SYTL3: variants seen among roughly 807,000 people sequenced by gnomAD.
SYTL3 encodes synaptotagmin like 3, also known as synaptotagmin-like protein 3.
In SYTL3, 88 loss-of-function variants were observed where a neutral mutation model predicts 82.1. That is an observed-to-expected ratio of 1.07 (90% CI 0.90 to 1.28). The LOEUF (loss-of-function observed/expected upper bound fraction) is 1.28. Ranked by LOEUF, SYTL3 falls within the 50% of genes most tolerant of loss-of-function variation. The probability of loss-of-function intolerance (pLI) is 0.00; values close to 1 mark genes in which losing one functional copy is unlikely to be tolerated. For synonymous variants in SYTL3, 311 were observed against 289.4 expected (o/e 1.07, Z -0.76); for missense variants, 831 against 757.6 (o/e 1.10, Z -1.14).
At chr6:158,679,601 C>T (rs1174062668) in intron 5 of SYTL3, among the ~76,000 whole-genome samples, 1 of 152,056 alleles carries the variant, frequency 6.6e-6, no homozygotes, top group African/African-American at 2.4e-5. Flanking sequence ...CAGATAGGCC[C>T]AAGAGATCCT....
intron 6 of SYTL3, among the ~76,000 whole-genome samples, chr6:158,689,038 G>A (rs60099667): frequency 0.091 from 13,798 of 152,196 alleles, 1,781 homozygotes; most frequent in African/African-American, 0.29. Flanking sequence ...ATCTCACCCC[G>A]TCATAGGAAT....
At chr6:158,682,742 G>A (rs1778855404) in intron 5 of SYTL3, among the ~76,000 whole-genome samples, 183 bp from the exon 6 acceptor site, 1 of 152,112 alleles carries the variant, frequency 6.6e-6, no homozygotes, top group Non-Finnish European at 1.5e-5. Context: ...CTTTGCTGCT[G>A]ATACTGAAAT....
At chr6:158,735,936 C>CT (rs1486540960) in intron 11 of SYTL3, among the ~76,000 whole-genome samples, 1 of 152,182 alleles carries the variant, frequency 6.6e-6, no homozygotes, top group East Asian at 1.9e-4. Context: ...TAGTTGAACT[C>CT]TCTTTAGTTG....
intron 5 of SYTL3, among the ~76,000 whole-genome samples, chr6:158,672,030 C>T (rs1057434921): frequency 6.6e-6 from 1 of 152,130 alleles, no homozygotes; most frequent in Non-Finnish European, 1.5e-5. Flanking sequence ...TTTCCTCACA[C>T]CTGTAATCCC....
chr6:158,651,318 T>C (rs6913851), intron 1 of SYTL3, among the ~76,000 whole-genome samples: 98,934 of 152,076 alleles, frequency 0.65, 33,061 homozygotes, highest in African/African-American at 0.79. Context: ...CTCGGCCGGG[T>C]GTGATGGCTC....
At chr6:158,645,758 T>A (rs1583084590), upstream of SYTL3, among the ~76,000 whole-genome samples, 1 of 152,048 alleles carries the variant, frequency 6.6e-6, no homozygotes, top group African/African-American at 2.4e-5. Flanking sequence ...ACCCAACGAC[T>A]CCTCCCTCCC....
At chr6:158,661,764 A>G (rs1789406547) in intron 3 of SYTL3, among the ~76,000 whole-genome samples, 1 of 152,264 alleles carries the variant, frequency 6.6e-6, no homozygotes, top group African/African-American at 2.4e-5. Context: ...TGTCACCAAC[A>G]GAAATCACAG....
chr6:158,646,169 C>T (rs996557976), upstream of SYTL3, among the ~76,000 whole-genome samples: 3 of 152,136 alleles, frequency 2.0e-5, no homozygotes, highest in South Asian at 2.1e-4. Context: ...TTCTGTTGCC[C>T]GGGCTGGAAT....
intron 10 of SYTL3, among the ~76,000 whole-genome samples, chr6:158,724,730 C>T (rs1562426390): frequency 6.6e-6 from 1 of 152,210 alleles, no homozygotes; most frequent in Non-Finnish European, 1.5e-5. Flanking sequence ...GAAATGTCAG[C>T]TTGGCTGTGT....
chr6:158,668,089 A>C (rs1790297767), intron 5 of SYTL3, among the ~76,000 whole-genome samples: 1 of 152,228 alleles, frequency 6.6e-6, no homozygotes, highest in East Asian at 1.9e-4. Flanking sequence ...GATTAGAGAC[A>C]CAAGATGGTT....
chr6:158,736,114 G>A (rs1343160498), intron 11 of SYTL3, among the ~76,000 whole-genome samples: 1 of 152,202 alleles, frequency 6.6e-6, no homozygotes, highest in African/African-American at 2.4e-5. Flanking sequence ...GCCTTTGGGA[G>A]GCCAGGGCGG....
At chr6:158,651,892 T>TTTTATTTA (rs757054438) in intron 2 of SYTL3, 50 bp downstream of exon 2, 1 of 151,432 alleles carries the variant, frequency 6.6e-6, no homozygotes, top group African/African-American at 2.4e-5. Context: ...TCTTCTAATG[T>TTTTATTTA]TTTATTTATT....
chr6:158,750,224 C>G (rs1021291900), intron 12 of SYTL3, among the ~76,000 whole-genome samples: 1 of 152,100 alleles, frequency 6.6e-6, no homozygotes, highest in Non-Finnish European at 1.5e-5. Flanking sequence ...TAAGGAGACA[C>G]ATCAAAATGG....
At chr6:158,737,613 G>C (rs1278063535) in intron 11 of SYTL3, among the ~76,000 whole-genome samples, 5 of 152,208 alleles carry the variant, frequency 3.3e-5, no homozygotes, top group Non-Finnish European at 1.5e-5. Context: ...GTCAGGCTGA[G>C]TTTTGGGTTG....
chr6:158,715,005 G>A (rs1313258571), intron 9 of SYTL3, among the ~76,000 whole-genome samples: 6 of 152,296 alleles, frequency 3.9e-5, no homozygotes, highest in East Asian at 3.9e-4. Context: ...TGCTAAGAGC[G>A]TTTGGTGGCT....
Position 158,757,239 on chromosome 6 carries a change from C to A in SYTL3, c.1166C>A (p.Thr389Asn). The A allele has an allele frequency of 6.2e-7, 1 of 1,611,296 alleles. No individual in the cohort carries two copies. Among genetic ancestry groups the A allele is most frequent in the Non-Finnish European group, 8.5e-7 (1 of 1,179,890 alleles). ...KYQVAPAQLV[T>N]RQLQVSVWHL... is the part of the protein sequence containing the mutation. ...CAGGTGGCCCCTGCCCAGCTGGTGA[C>A]CCGGCAGCTGCAGGTCTCGGTGTGG... The change falls in exon 14 of 18, where the codon ACC becomes AAC. Residue 389 changes from threonine (T) to asparagine (N), a missense_variant. By Grantham distance (65) the Thr-to-Asn change is moderately conservative. Transcript: ENST00000611299.
At position 158,693,858 on chromosome 6, in the gene SYTL3, T is replaced by TTCTTTTC. The variant is rs1224791292; in HGVS notation, c.394+10870_394+10871insCTTTTCT. Among the ~76,000 whole-genome samples the TTCTTTTC allele has an allele frequency of 1.1e-3, 138 of 120,448 alleles. 14 individuals carry two copies. The highest frequency in any genetic ancestry group is 5.9e-3 in the African/African-American group (132 of 22,350). The allele number at this position is 120,448 out of a possible 152,430, so 79.0% of individuals were successfully genotyped here. ...ATCCAGCCTTTCTTTTTCTTTTCTT[T>TTCTTTTC]TTTTTTTTTTTTTTTGTAGATACAG... On this transcript the variant is annotated intron_variant, in intron 6 of 17. Coordinates refer to ENST00000611299, the MANE Select transcript of SYTL3 (RefSeq NM_001242394.2).
chr6:158,700,837 C>T (rs367942507), intron 6 of SYTL3, among the ~76,000 whole-genome samples: 61 of 152,118 alleles, frequency 4.0e-4, no homozygotes, highest in South Asian at 1.9e-3. Context: ...AGGATGGTCT[C>T]GATCTCCTGA....
intron 12 of SYTL3, among the ~76,000 whole-genome samples, chr6:158,751,095 C>A (rs1788329350): frequency 6.6e-6 from 1 of 152,202 alleles, no homozygotes; most frequent in Non-Finnish European, 1.5e-5. Context: ...TGCGCCTGGC[C>A]TCCTGGCCGA....
Sources: allele counts gnomAD v4.1 joint callset (sites outside exome capture counted in the v4.1 genomes callset), GRCh38; gene constraint gnomAD v4.1.1; transcripts MANE v1.5; gene names NCBI Gene and HGNC (gene_info 2026-07-23, HGNC 2026-07-21).